Variants in STK32B observed in about 807,000 individuals in gnomAD.
STK32B encodes serine/threonine-protein kinase 32B.
STK32B carries 43 observed loss-of-function variants against 52.6 expected under a neutral mutation model. The ratio of observed to expected loss-of-function variants is 0.82; its 90% CI spans 0.64 to 1.05. STK32B has a LOEUF of 1.05. Among genes scored for constraint, STK32B ranks in the 50% least tolerant of loss-of-function variants. The pLI, the probability that STK32B is intolerant of heterozygous loss-of-function variation, is 0.00. For synonymous variants in STK32B, 238 were observed against 204.3 expected (o/e 1.17, Z -1.41); for missense variants, 621 against 534.6 (o/e 1.16, Z -1.59).
chr4:5,156,359 T>A (rs1717844842), intron 2 of STK32B, among the ~76,000 whole-genome samples: 1 of 151,978 alleles, frequency 6.6e-6, no homozygotes, highest in Non-Finnish European at 1.5e-5. Flanking sequence ...TGACACATGG[T>A]TTATATTGAT....
At chr4:5,425,311 G>T (rs1712998546) in intron 6 of STK32B, among the ~76,000 whole-genome samples, 1 of 152,308 alleles carries the variant, frequency 6.6e-6, no homozygotes, top group Middle Eastern at 3.4e-3. Context: ...TCCTGTGACA[G>T]TGGGGCCACC....
intron 1 of STK32B, among the ~76,000 whole-genome samples, chr4:5,061,343 G>T (rs1002927945): frequency 6.6e-6 from 1 of 152,000 alleles, no homozygotes; most frequent in African/African-American, 2.4e-5. Context: ...CTCTTTTATG[G>T]CTTTCAAATT....
intron 6 of STK32B, among the ~76,000 whole-genome samples, chr4:5,439,449 T>C (rs1159020329): frequency 6.6e-6 from 1 of 151,930 alleles, no homozygotes; most frequent in African/African-American, 2.4e-5. Flanking sequence ...TTGATGGGGT[T>C]GTTTGTTTTT....
chr4:5,161,197 G>A (rs1365719883), intron 2 of STK32B, among the ~76,000 whole-genome samples: 1 of 152,162 alleles, frequency 6.6e-6, no homozygotes, highest in South Asian at 2.1e-4. Context: ...ATCCAAGTAA[G>A]TATTTTTCTT....
intron 3 of STK32B, among the ~76,000 whole-genome samples, chr4:5,196,433 A>G (rs1721675810): frequency 6.9e-6 from 1 of 145,158 alleles, no homozygotes; most frequent in Non-Finnish European, 1.5e-5. Flanking sequence ...TTTAAAATTC[A>G]AGATAAGGGC....
intron 4 of STK32B, among the ~76,000 whole-genome samples, chr4:5,343,813 G>C (rs1733265149): frequency 6.6e-6 from 1 of 152,176 alleles, no homozygotes; most frequent in African/African-American, 2.4e-5. Flanking sequence ...TATATGGGAA[G>C]CTAGCTCCTG....
intron 4 of STK32B, among the ~76,000 whole-genome samples, chr4:5,374,793 C>A (rs1735478998): frequency 1.3e-5 from 2 of 151,720 alleles, no homozygotes; most frequent in African/African-American, 4.9e-5. Flanking sequence ...GGGGGAACAC[C>A]AACGTTCAAA....
chr4:5,319,861 C>T (rs943026723), intron 3 of STK32B, among the ~76,000 whole-genome samples: 1 of 152,206 alleles, frequency 6.6e-6, no homozygotes, highest in African/African-American at 2.4e-5. Flanking sequence ...GAGGATGTGG[C>T]TGCCTCTGCT....
chr4:5,372,881 G>A lies in STK32B; in HGVS notation c.435-25326G>A, dbSNP rs567243172. Among the ~76,000 whole-genome samples the A allele has an allele frequency of 1.7e-3, 259 of 152,254 alleles. 1 individual carries two copies. Among genetic ancestry groups the A allele is most frequent in the African/African-American group, 5.1e-3 (213 of 41,548 alleles). The stretch of plus-strand genomic sequence containing the variant: ...CATGAGCCCAATAAAGTTTATGATT[G>A]GGTTCAGCATGGTTGAGCCTCTTCA... On this transcript the variant is annotated intron_variant, in intron 4 of 11. Transcript: ENST00000282908.
intron 2 of STK32B, among the ~76,000 whole-genome samples, chr4:5,142,496 C>T (rs1336272411): frequency 6.6e-6 from 1 of 152,196 alleles, no homozygotes; most frequent in Non-Finnish European, 1.5e-5. Flanking sequence ...CTTGCCTTTT[C>T]AGAATCTCAT....
rs201447745 is a variant in STK32B, at chr4:5,274,000, A to AG, written c.261-57219dup. ...AAAACTTAAAGTATAATAAAAAAAA[A>AG]GAAACAAAAAAACAAAACAAACAAA... is the stretch of plus-strand genomic sequence containing the variant. On this transcript the variant is annotated intron_variant, in intron 3 of 11. Coordinates refer to ENST00000282908, the MANE Select transcript of STK32B (RefSeq NM_018401.3). 2.0e-3 allele frequency among the ~76,000 whole-genome samples: 297 copies of AG among 152,004 alleles called. 5 individuals are homozygous for AG. In the East Asian group the frequency reaches 0.025, roughly 13 times the overall value.
chr4:5,197,493 A>C (rs1721777827), intron 3 of STK32B, among the ~76,000 whole-genome samples: 1 of 152,104 alleles, frequency 6.6e-6, no homozygotes, highest in Non-Finnish European at 1.5e-5. Context: ...TTTTTTTCAG[A>C]GCATATGTCA....
At position 5,059,052 on chromosome 4, in the gene STK32B, C is replaced by CTTTTTTTTTTTTTTTTTTTTTTTTTTTTT. The variant is rs3072775; in HGVS notation, c.52+7138_52+7166dup. 1.5e-4 allele frequency among the ~76,000 whole-genome samples: 13 copies of CTTTTTTTTTTTTTTTTTTTTTTTTTTTTT among 86,920 alleles called. 4 individuals are homozygous for CTTTTTTTTTTTTTTTTTTTTTTTTTTTTT. Among genetic ancestry groups the CTTTTTTTTTTTTTTTTTTTTTTTTTTTTT allele is most frequent in the East Asian group, 7.7e-4 (2 of 2,584 alleles). 57.0% of individuals were successfully genotyped at this position (86,920 alleles called of 152,430 possible). On this transcript the variant is annotated intron_variant, in intron 1 of 11. Coordinates refer to ENST00000282908, the MANE Select transcript of STK32B (RefSeq NM_018401.3). ...AGGCGTGAGCCACCACGCCCAGCTGCTTTTTTTTTTTTTTTTTTTTTTTTT... is the reference window on the plus strand; with the variant it reads ...AGGCGTGAGCCACCACGCCCAGCTGCTTTTTTTTTTTTTTTTTTTTTTTTTTTTTTTTTTTTTTTTTTTTTTTTTTTTTT...
intron 3 of STK32B, among the ~76,000 whole-genome samples, chr4:5,330,992 C>T (rs1221073483): frequency 6.6e-6 from 1 of 152,112 alleles, no homozygotes; most frequent in Non-Finnish European, 1.5e-5. Flanking sequence ...CTGGGTACTC[C>T]TGCTTGCCTT....
intron 1 of STK32B, among the ~76,000 whole-genome samples, chr4:5,054,240 A>G (rs1052025633): frequency 1.1e-4 from 17 of 152,210 alleles, no homozygotes; most frequent in African/African-American, 3.6e-4. Flanking sequence ...AGTGTTAACA[A>G]TTTGCTCCCA....
intron 1 of STK32B, among the ~76,000 whole-genome samples, chr4:5,068,881 T>G (rs946618984): frequency 6.6e-6 from 1 of 152,214 alleles, no homozygotes; most frequent in African/African-American, 2.4e-5. Context: ...ACGTATTCAT[T>G]ATTTGCATAG....
chr4:5,477,339 GTC>G (rs1012264800), intron 11 of STK32B, among the ~76,000 whole-genome samples: 12 of 152,032 alleles, frequency 7.9e-5, no homozygotes, highest in Non-Finnish European at 1.3e-4. Context: ...AAGCCTTAGA[GTC>G]TCTGCCTGAG....
At chr4:5,209,979 TG>T (rs1245511993) in intron 3 of STK32B, among the ~76,000 whole-genome samples, 1 of 152,178 alleles carries the variant, frequency 6.6e-6, no homozygotes, top group Non-Finnish European at 1.5e-5. Context: ...GTCAAATATG[TG>T]AATTTCTAGA....
the STK32B span, among the ~76,000 whole-genome samples, chr4:5,030,355 A>G: frequency 6.6e-6 from 1 of 152,220 alleles, no homozygotes; most frequent in African/African-American, 2.4e-5. Context: ...TGAGCTGGTC[A>G]TCTCCGGATC....
Sources: gnomAD v4.1 joint callset for allele counts (sites outside exome capture counted in the v4.1 genomes callset) on GRCh38, gnomAD v4.1.1 for gene constraint, MANE v1.5 for transcripts, NCBI Gene and HGNC (gene_info 2026-07-23, HGNC 2026-07-21) for gene names.